LRMDA: variants seen among roughly 807,000 people sequenced by gnomAD.
The protein encoded by LRMDA is leucine rich melanocyte differentiation associated.
Under a neutral mutation model 29.8 loss-of-function variants are expected in LRMDA, and 18 were observed. The observed-to-expected ratio is 0.60, with a 90% CI of 0.42 to 0.90. LRMDA has a LOEUF of 0.90. LRMDA is among the 40% of genes least tolerant of loss of function. LRMDA has a pLI of 0.00. For synonymous variants in LRMDA, 125 were observed against 109.4 expected (o/e 1.14, Z -0.89); for missense variants, 273 against 273.9 (o/e 1.00, Z 0.02).
intron 2 of LRMDA, among the ~76,000 whole-genome samples, chr10:75,644,100 G>A (rs571434808): frequency 5.3e-5 from 8 of 152,292 alleles, no homozygotes; most frequent in African/African-American, 1.9e-4. Flanking sequence ...ATTAGACTTT[G>A]AAATAGGACC....
In LRMDA at chr10:75,446,629, G is replaced by C. The variant is rs940841949; in HGVS notation, c.131+8135G>C. 1.8e-4 allele frequency among the ~76,000 whole-genome samples: 28 copies of C among 152,188 alleles called. 1 individual carries two copies. Among genetic ancestry groups the C allele is most frequent in the African/African-American group, 6.8e-4 (28 of 41,436 alleles). ...TATAACCCTTTGCTTATCTGTTGTG[G>C]ACATAGATTTTGAATGAGAAATACA... is the stretch of plus-strand genomic sequence containing the variant. On this transcript the variant is annotated intron_variant, in intron 2 of 6. Transcript: ENST00000611255.
chr10:76,543,531 T>G (rs1843383505), intron 6 of LRMDA, among the ~76,000 whole-genome samples: 1 of 152,106 alleles, frequency 6.6e-6, no homozygotes, highest in African/African-American at 2.4e-5. Flanking sequence ...GATTGATCAG[T>G]TGGTTTACTG....
At chr10:76,472,214 A>C (rs1842625230) in intron 6 of LRMDA, among the ~76,000 whole-genome samples, 1 of 151,878 alleles carries the variant, frequency 6.6e-6, no homozygotes, top group African/African-American at 2.4e-5. Context: ...TAAATCATGC[A>C]GAGTGTGTTC....
intron 2 of LRMDA, among the ~76,000 whole-genome samples, chr10:75,729,398 T>C (rs996303833): frequency 1.3e-5 from 2 of 152,242 alleles, no homozygotes; most frequent in African/African-American, 4.8e-5. Context: ...TTCATCGTCC[T>C]CTCAGGAGTT....
chr10:76,139,732 A>G (rs1259379659), intron 5 of LRMDA, among the ~76,000 whole-genome samples: 1 of 152,174 alleles, frequency 6.6e-6, no homozygotes, highest in Non-Finnish European at 1.5e-5. Flanking sequence ...TTTTTCTAGT[A>G]CAGAAAAGTA....
intron 2 of LRMDA, among the ~76,000 whole-genome samples, chr10:75,671,491 A>G (rs1175914559): frequency 6.6e-6 from 1 of 152,206 alleles, no homozygotes; most frequent in African/African-American, 2.4e-5. Context: ...TTGCAGGGAC[A>G]TGGGTGAAGC....
In LRMDA at chr10:75,928,997, A is replaced by G. The variant is rs577728418; in HGVS notation, c.132-107011A>G. 2.6e-5 allele frequency among the ~76,000 whole-genome samples: 4 copies of G among 152,216 alleles called. No homozygotes were observed. The South Asian group carries it at 6.2e-4, about 24-fold the overall frequency. ...ACACGAATAAAACATAGGTTGTCAAACCACCAGATTTGATTATTTCTAAGG... is the reference window on the plus strand; with the variant it reads ...ACACGAATAAAACATAGGTTGTCAAGCCACCAGATTTGATTATTTCTAAGG... On this transcript the variant is annotated intron_variant, in intron 2 of 6. Coordinates refer to ENST00000611255, the MANE Select transcript of LRMDA (RefSeq NM_001305581.2).
chr10:76,074,567 C>CCAGT (rs1356721144), intron 5 of LRMDA, among the ~76,000 whole-genome samples: 1 of 152,112 alleles, frequency 6.6e-6, no homozygotes, highest in Non-Finnish European at 1.5e-5. Context: ...AGTTATTAGC[C>CCAGT]TATATAGGGA....
At chr10:75,691,862 G>T (rs535796131) in intron 2 of LRMDA, among the ~76,000 whole-genome samples, 57 of 152,228 alleles carry the variant, frequency 3.7e-4, no homozygotes, top group African/African-American at 1.3e-3. Context: ...TTCAGCCAGA[G>T]GTGGTACCTG....
chr10:75,957,466 A>T (rs561951466), intron 2 of LRMDA, among the ~76,000 whole-genome samples: 3 of 152,222 alleles, frequency 2.0e-5, no homozygotes, highest in Non-Finnish European at 2.9e-5. Flanking sequence ...TAGGTTGAGC[A>T]TGATGGATGA....
At chr10:75,715,852 C>T (rs1317955776) in intron 2 of LRMDA, among the ~76,000 whole-genome samples, 3 of 135,368 alleles carry the variant, frequency 2.2e-5, no homozygotes, top group South Asian at 2.7e-4. Flanking sequence ...GAATTATAAG[C>T]ACTTGATTGA....
At chr10:76,390,516 AAAC>A (rs1018111405) in intron 6 of LRMDA, among the ~76,000 whole-genome samples, 1 of 152,112 alleles carries the variant, frequency 6.6e-6, no homozygotes, top group African/African-American at 2.4e-5. Context: ...AAAAAAAAAA[AAAC>A]AAGAAAACTC....
chr10:75,786,222 G>T (rs894827380), intron 2 of LRMDA, among the ~76,000 whole-genome samples: 2 of 152,200 alleles, frequency 1.3e-5, no homozygotes, highest in African/African-American at 4.8e-5. Flanking sequence ...ATTTGGGGCG[G>T]TATGAAAAGT....
At chr10:75,482,915 A>C (rs1844869479) in intron 2 of LRMDA, among the ~76,000 whole-genome samples, 1 of 151,770 alleles carries the variant, frequency 6.6e-6, no homozygotes, top group Non-Finnish European at 1.5e-5. Context: ...TGTTAATCAC[A>C]TTTTCAGCTT....
chr10:76,284,318 A>T (rs1021613046), intron 5 of LRMDA, among the ~76,000 whole-genome samples: 3 of 152,040 alleles, frequency 2.0e-5, no homozygotes, highest in Admixed American at 6.6e-5. Flanking sequence ...GGAGAAGGAG[A>T]TGTGATGAAG....
intron 2 of LRMDA, among the ~76,000 whole-genome samples, chr10:75,947,551 T>C (rs1437160386): frequency 3.3e-5 from 5 of 152,230 alleles, no homozygotes; most frequent in African/African-American, 7.2e-5. Flanking sequence ...CCTTGGGTAC[T>C]GATGAGCCTG....
At chr10:76,024,698 G>A (rs1212247024) in intron 2 of LRMDA, among the ~76,000 whole-genome samples, 1 of 152,174 alleles carries the variant, frequency 6.6e-6, no homozygotes, top group Non-Finnish European at 1.5e-5. Context: ...TTGATTAGGG[G>A]CCCTTGGGGT....
Position 75,724,810 on chromosome 10 carries a change from A to G in LRMDA, c.131+286316A>G, listed in dbSNP as rs114859281. On this transcript the variant is annotated intron_variant, in intron 2 of 6. Transcript: ENST00000611255. The stretch of plus-strand genomic sequence containing the variant: ...TTTGTATTGCTGGTTTTAGGAGTGG[A>G]CCCACAAGATGGACAAGTGTGATTC... Among the ~76,000 whole-genome samples, 1,273 of 152,308 alleles carry G rather than the reference A, an allele frequency of 8.4e-3. 14 individuals are homozygous for G. The highest frequency in any genetic ancestry group is 0.029 in the African/African-American group (1,217 of 41,566).
chr10:75,463,771 G>A (rs1210666916), intron 2 of LRMDA, among the ~76,000 whole-genome samples: 7 of 152,102 alleles, frequency 4.6e-5, no homozygotes, highest in East Asian at 1.9e-4. Flanking sequence ...AGGTTCAAGC[G>A]AATCTCCTGC....
Sources: allele counts gnomAD v4.1 joint callset (sites outside exome capture counted in the v4.1 genomes callset), GRCh38; gene constraint gnomAD v4.1.1; transcripts MANE v1.5; gene names NCBI Gene and HGNC (gene_info 2026-07-23, HGNC 2026-07-21).